MAP2: variants seen among roughly 807,000 people sequenced by gnomAD.
MAP2 encodes microtubule associated protein 2.
Under a neutral mutation model 137.6 loss-of-function variants are expected in MAP2, and 14 were observed. The observed-to-expected ratio is 0.10, with a 90% CI of 0.07 to 0.16. The LOEUF (loss-of-function observed/expected upper bound fraction) is 0.16. Ranked by LOEUF, MAP2 falls within the 10% of genes least tolerant of loss-of-function variation. The pLI is 1.00. For missense variants in MAP2, 2,088 were observed against 2,191.5 expected, an observed-to-expected ratio of 0.95 and a Z score of 0.94; for synonymous variants, 786 against 782.3, an observed-to-expected ratio of 1.00 and a Z score of -0.08.
chr2:209,479,214 G>T (rs1203329091), intron 1 of MAP2, among the ~76,000 whole-genome samples: 1 of 151,774 alleles, frequency 6.6e-6, no homozygotes, highest in Non-Finnish European at 1.5e-5. Context: ...TTATATGGTT[G>T]TGCAAAAAAC....
At chr2:209,579,280 T>TCC (rs2075859740) in intron 2 of MAP2, 1 of 84,506 alleles carries the variant, frequency 1.2e-5, no homozygotes, top group South Asian at 3.3e-4. Context: ...CGTGCGTGCG[T>TCC]GCGTGTGTGT....
chr2:209,593,324 A>T (rs2079804977), intron 3 of MAP2, among the ~76,000 whole-genome samples: 1 of 151,658 alleles, frequency 6.6e-6, no homozygotes, highest in African/African-American at 2.4e-5. Context: ...TGATTTTGAA[A>T]TTTTTATTTT....
chr2:209,490,308 A>G (rs1295372576), intron 1 of MAP2, among the ~76,000 whole-genome samples: 1 of 152,188 alleles, frequency 6.6e-6, no homozygotes, highest in Admixed American at 6.5e-5. Flanking sequence ...AACCGGTACC[A>G]GACACTGCAA....
intron 3 of MAP2, among the ~76,000 whole-genome samples, chr2:209,600,451 C>T (rs1177082650): frequency 6.6e-6 from 1 of 152,114 alleles, no homozygotes. Context: ...GCTGTCAGTC[C>T]CCCCAGCTGG....
rs533992780 is a variant in MAP2, at chr2:209,672,690, A to G, written c.263-5882A>G. Among the ~76,000 whole-genome samples the G allele has an allele frequency of 3.9e-5, 6 of 151,982 alleles. No individual in the cohort carries two copies. The South Asian group carries it at 8.3e-4, about 21-fold the overall frequency. ...TGGGACAAGCATATCTTTATCCATT[A>G]TTTTGCTAGTTTTCCCATCTGGACT... On this transcript the variant is annotated intron_variant, in intron 5 of 15. Transcript: ENST00000682079.
chr2:209,711,846 C>T (rs2065597830), intron 13 of MAP2, among the ~76,000 whole-genome samples: 1 of 151,996 alleles, frequency 6.6e-6, no homozygotes, highest in Non-Finnish European at 1.5e-5. Context: ...ATTTAAAAAT[C>T]AGTTCTTTTA....
chr2:209,632,940 T>C (rs541700654), intron 4 of MAP2, among the ~76,000 whole-genome samples: 1 of 152,280 alleles, frequency 6.6e-6, no homozygotes, highest in South Asian at 2.1e-4. Flanking sequence ...TGTCACTGTG[T>C]AATTTTCAGT....
At chr2:209,456,314 T>C (rs1701527138) in intron 1 of MAP2, among the ~76,000 whole-genome samples, 1 of 152,184 alleles carries the variant, frequency 6.6e-6, no homozygotes, top group African/African-American at 2.4e-5. Flanking sequence ...GGACTTTAGA[T>C]GTCACTGTTC....
At chr2:209,658,587 A>G (rs2041977988) in intron 5 of MAP2, among the ~76,000 whole-genome samples, 3 of 152,074 alleles carry the variant, frequency 2.0e-5, no homozygotes, top group Middle Eastern at 3.4e-3. Context: ...GCTCATTGCA[A>G]TGTCTGCCTC....
chr2:209,425,045 G>T (rs1692159515), intron 1 of MAP2, among the ~76,000 whole-genome samples: 1 of 152,018 alleles, frequency 6.6e-6, no homozygotes, highest in African/African-American at 2.4e-5. Context: ...GTTTAAGGAT[G>T]GAAATTTCAA....
chr2:209,510,911 G>C (rs575931908), intron 2 of MAP2, among the ~76,000 whole-genome samples: 10 of 152,064 alleles, frequency 6.6e-5, no homozygotes, highest in Non-Finnish European at 1.3e-4. Context: ...TAGTTTTCTT[G>C]AGAAAGAGGT....
intron 4 of MAP2, among the ~76,000 whole-genome samples, chr2:209,652,848 T>C (rs1346857100): frequency 6.6e-6 from 1 of 152,210 alleles, no homozygotes; most frequent in Non-Finnish European, 1.5e-5. Context: ...TAGTTTTTTT[T>C]CATTGTTGTT....
Position 209,509,393 on chromosome 2 carries a change from T to A in MAP2, c.-172+1752T>A, listed in dbSNP as rs75089076. On this transcript the variant is annotated intron_variant, in intron 2 of 15. Transcript: ENST00000682079. ...TCAAATAAATAAATAAATATATCAG[T>A]GAAAATAACGTGTACATATAAATGG... Among the ~76,000 whole-genome samples, 812 of 152,016 alleles carry A rather than the reference T, an allele frequency of 5.3e-3. 18 individuals carry two copies. Among genetic ancestry groups the A allele is most frequent in the East Asian group, 0.046 (237 of 5,184 alleles).
chr2:209,620,694 T>C (rs190540734), intron 3 of MAP2, among the ~76,000 whole-genome samples: 1 of 152,322 alleles, frequency 6.6e-6, no homozygotes, highest in East Asian at 1.9e-4. Context: ...GCTTGAATAA[T>C]AGATATTTTC....
chr2:209,546,058 G>C (rs2067993322), intron 2 of MAP2, among the ~76,000 whole-genome samples: 1 of 152,174 alleles, frequency 6.6e-6, no homozygotes, highest in Non-Finnish European at 1.5e-5. Flanking sequence ...CAGGAGAATG[G>C]CGTGAACCCG....
At chr2:209,452,386 T>A (rs1465981912) in intron 1 of MAP2, among the ~76,000 whole-genome samples, 1 of 152,176 alleles carries the variant, frequency 6.6e-6, no homozygotes, top group Non-Finnish European at 1.5e-5. Flanking sequence ...TGTCAGGAAC[T>A]CTCCTCTTTC....
rs757910423 is a variant in MAP2, at chr2:209,730,275, G to A, written c.5362G>A (p.Val1788Met). The change falls in exon 16 of 16, where the codon GTG (valine) becomes ATG (methionine). Residue 1788 changes from valine (V) to methionine (M), a missense_variant. By Grantham distance (21) the Val-to-Met change is conservative (BLOSUM62 1). This residue lies in a region of MAP2 where 112 missense variants were observed against 201.0 expected (regional missense o/e 0.56). Coordinates refer to ENST00000682079, the MANE Select transcript of MAP2 (RefSeq NM_001375505.1). ...IITQSPGRSS[V>M]ASPRRLSNVS... The stretch of plus-strand genomic sequence containing the variant: ...TACACAGTCCCCAGGCAGATCCAGC[G>A]TGGCATCACCCCGACGACTCAGCAA... The A allele has an allele frequency of 4.3e-6, 7 of 1,613,954 alleles. No homozygotes were observed. Among genetic ancestry groups the A allele is most frequent in the Admixed American group, 3.3e-5 (2 of 59,980 alleles).
chr2:209,473,734 T>C (rs1437223519), intron 1 of MAP2, among the ~76,000 whole-genome samples: 1 of 152,078 alleles, frequency 6.6e-6, no homozygotes, highest in Admixed American at 6.6e-5. Context: ...TTGTGATATA[T>C]TTAATAAATA....
intron 1 of MAP2, among the ~76,000 whole-genome samples, chr2:209,475,773 A>G (rs1015233980): frequency 2.0e-5 from 3 of 152,184 alleles, no homozygotes; most frequent in Non-Finnish European, 2.9e-5. Flanking sequence ...CTATGTAATT[A>G]TGTCAACTTG....
Sources: gnomAD v4.1 joint callset for allele counts (sites outside exome capture counted in the v4.1 genomes callset) on GRCh38, gnomAD v4.1.1 for gene constraint, gnomAD v4.1.1 regional missense constraint, MANE v1.5 for transcripts, NCBI Gene and HGNC (gene_info 2026-07-23, HGNC 2026-07-21) for gene names.